The following IL1RAPL2 variants were observed in gnomAD, a reference collection of about 807,000 sequenced individuals.
The protein encoded by IL1RAPL2 is interleukin 1 receptor accessory protein like 2, also known as X-linked interleukin-1 receptor accessory protein-like 2.
Under a neutral mutation model 44.1 loss-of-function variants are expected in IL1RAPL2, and 3 were observed. The ratio of observed to expected loss-of-function variants is 0.07; its 90% confidence interval spans 0.03 to 0.18. IL1RAPL2 has a LOEUF of 0.18. IL1RAPL2 is among the 10% of genes least tolerant of loss of function. The pLI, the probability that IL1RAPL2 is intolerant of heterozygous loss-of-function variation, is 1.00. For synonymous variants in IL1RAPL2, 181 were observed against 178.8 expected (o/e 1.01, Z -0.10); for missense variants, 391 against 496.4 (o/e 0.79, Z 2.02).
chrX:105,217,993 C>A (rs1165723129), intron 3 of IL1RAPL2, among the ~76,000 whole-genome samples: 1 of 110,755 alleles, frequency 9.0e-6, no homozygotes, highest in Non-Finnish European at 1.9e-5. Flanking sequence ...ATATCTAACA[C>A]ATGCGGAGCT....
At chrX:105,276,532 T>C (rs2034487729) in intron 5 of IL1RAPL2, among the ~76,000 whole-genome samples, 1 of 112,671 alleles carries the variant, frequency 8.9e-6, no homozygotes, top group Non-Finnish European at 1.9e-5. Flanking sequence ...GTACTAGCTG[T>C]ACTGACTCAA....
At chrX:105,023,366 C>T (rs1296320520) in intron 2 of IL1RAPL2, among the ~76,000 whole-genome samples, 1 of 111,512 alleles carries the variant, frequency 9.0e-6, no homozygotes, top group Non-Finnish European at 1.9e-5. Context: ...TCTAAAATTA[C>T]ACCATCGTGC....
chrX:105,658,961 CAAA>C (rs1157609868), intron 6 of IL1RAPL2, among the ~76,000 whole-genome samples: 1 of 37,850 alleles, frequency 2.6e-5, no homozygotes. Flanking sequence ...GACTCCGTCT[CAAA>C]AAAAAAAAAA....
At chrX:104,841,504 G>A (rs754107302) in intron 2 of IL1RAPL2, among the ~76,000 whole-genome samples, 1 of 111,893 alleles carries the variant, frequency 8.9e-6, no homozygotes, top group South Asian at 3.7e-4. Context: ...ATATTTTGGT[G>A]TGTTTTTGCA....
chrX:104,805,438 C>A (rs780346207), intron 2 of IL1RAPL2, among the ~76,000 whole-genome samples: 8 of 112,094 alleles, frequency 7.1e-5, no homozygotes. Flanking sequence ...ATTTATCTTT[C>A]TGTCCCAAGA....
intron 3 of IL1RAPL2, among the ~76,000 whole-genome samples, chrX:105,214,731 A>G (rs1388113475): frequency 1.8e-5 from 2 of 112,036 alleles, no homozygotes; most frequent in African/African-American, 6.5e-5. Flanking sequence ...TGCTAGTACA[A>G]CACTCCCTAG....
intron 5 of IL1RAPL2, among the ~76,000 whole-genome samples, chrX:105,315,123 A>C (rs1246408043): frequency 9.0e-6 from 1 of 111,478 alleles, no homozygotes; most frequent in Non-Finnish European, 1.9e-5. Flanking sequence ...CACTTGTGGA[A>C]ATACAAGTTC....
chrX:104,682,669 G>C (rs1286872903), intron 2 of IL1RAPL2, among the ~76,000 whole-genome samples: 1 of 111,832 alleles, frequency 8.9e-6, no homozygotes, highest in African/African-American at 3.2e-5. Context: ...AATATTCATT[G>C]AATGAATGAG....
At position 104,623,975 on chromosome X, in the gene IL1RAPL2, C is replaced by A. The variant is rs187276970; in HGVS notation, c.-19-34920C>A. ...AAGTAATGAGAGAAACAAGAGAAGT[C>A]CTCAACTTGAGTATACTTTGTAAGT... is the stretch of plus-strand genomic sequence containing the variant. On this transcript the variant is annotated intron_variant, in intron 1 of 10. Transcript: ENST00000372582. Among the ~76,000 whole-genome samples, 10 of 111,701 alleles carry A rather than the reference C, an allele frequency of 9.0e-5. No homozygotes were observed. The East Asian group carries it at 2.2e-3, about 25-fold the overall frequency.
At chrX:105,659,431 G>A (rs1407711904) in intron 6 of IL1RAPL2, among the ~76,000 whole-genome samples, 2 of 110,646 alleles carry the variant, frequency 1.8e-5, no homozygotes, top group African/African-American at 3.3e-5. Context: ...GCCGAGGCGG[G>A]CGGATCACGA....
chrX:105,194,343 A>G (rs1301279363), intron 2 of IL1RAPL2, among the ~76,000 whole-genome samples: 1 of 112,510 alleles, frequency 8.9e-6, no homozygotes, highest in African/African-American at 3.2e-5. Context: ...TAAAATGGCA[A>G]TGTTTATACA....
intron 5 of IL1RAPL2, among the ~76,000 whole-genome samples, chrX:105,465,136 CA>C (rs767484333): frequency 8.9e-6 from 1 of 112,182 alleles, no homozygotes; most frequent in Non-Finnish European, 1.9e-5. Flanking sequence ...ACCCTTTAAC[CA>C]CTATTGTATT....
intron 1 of IL1RAPL2, among the ~76,000 whole-genome samples, chrX:104,605,119 T>C (rs186034612): frequency 8.9e-6 from 1 of 112,048 alleles, no homozygotes; most frequent in African/African-American, 3.2e-5. Context: ...ACAAAGTGTC[T>C]CTCAGACCAC....
At chrX:105,161,772 C>T (rs1024774158) in intron 2 of IL1RAPL2, among the ~76,000 whole-genome samples, 10 of 111,553 alleles carry the variant, frequency 9.0e-5, no homozygotes, top group African/African-American at 2.3e-4. Flanking sequence ...ATCTGCCACT[C>T]GAATCTCACT....
At chrX:105,142,136 T>A (rs887576664) in intron 2 of IL1RAPL2, among the ~76,000 whole-genome samples, 3 of 111,742 alleles carry the variant, frequency 2.7e-5, no homozygotes, top group African/African-American at 9.8e-5. Flanking sequence ...AAAATAAGAA[T>A]TTAGTTGATC....
At chrX:104,609,596 A>T (rs915996964) in intron 1 of IL1RAPL2, among the ~76,000 whole-genome samples, 4 of 111,222 alleles carry the variant, frequency 3.6e-5, no homozygotes, top group African/African-American at 1.3e-4. Context: ...TATTTCATTA[A>T]GTTGATCTTC....
chrX:105,640,731 T>G (rs1213758164), intron 6 of IL1RAPL2, among the ~76,000 whole-genome samples: 5 of 87,001 alleles, frequency 5.7e-5, no homozygotes, highest in Admixed American at 5.5e-4. Context: ...CATATCTATA[T>G]ATATAGATAT....
chrX:105,659,983 G>T (rs1206050314), intron 6 of IL1RAPL2, among the ~76,000 whole-genome samples: 1 of 111,211 alleles, frequency 9.0e-6, no homozygotes, highest in Admixed American at 9.5e-5. Context: ...TAATGACAGA[G>T]AACTTCCCAA....
chrX:104,567,864 C>T (rs1263439979), intron 1 of IL1RAPL2, among the ~76,000 whole-genome samples: 3 of 112,289 alleles, frequency 2.7e-5, no homozygotes, highest in African/African-American at 6.5e-5. Flanking sequence ...AATGCTTTGG[C>T]AAGGAGACCC....
Sources: gnomAD v4.1 joint callset for allele counts (sites outside exome capture counted in the v4.1 genomes callset) on GRCh38, gnomAD v4.1.1 for gene constraint, MANE v1.5 for transcripts, NCBI Gene and HGNC (gene_info 2026-07-23, HGNC 2026-07-21) for gene names.